The following TASP1 variants were observed in gnomAD, a reference collection of about 807,000 sequenced individuals.
TASP1 encodes the protein threonine aspartase 1.
A neutral mutation model predicts 56.6 loss-of-function variants in TASP1; 16 were observed. The observed-to-expected ratio is 0.28, with a 90% CI of 0.19 to 0.43. TASP1 has a LOEUF of 0.43. Ranked by LOEUF, TASP1 falls within the 20% of genes least tolerant of loss-of-function variation. The probability of loss-of-function intolerance (pLI) is 1.00; values close to 1 mark genes in which losing one functional copy is unlikely to be tolerated. For synonymous variants in TASP1, 179 were observed against 184.2 expected (o/e 0.97, Z 0.23); for missense variants, 393 against 511.6 (o/e 0.77, Z 2.24).
intron 9 of TASP1, 129 bp downstream of exon 9, chr20:13,533,893 C>T: frequency 9.1e-7 from 1 of 1,097,678 alleles, no homozygotes; most frequent in East Asian, 2.5e-5. Context: ...ATGATTTATA[C>T]TACATGTTAA....
chr20:13,163,616 T>G, the TASP1 span, among the ~76,000 whole-genome samples: 1 of 152,074 alleles, frequency 6.6e-6, no homozygotes, highest in African/African-American at 2.4e-5. Flanking sequence ...GGAAGAACAT[T>G]TTAAATACTC....
chr20:13,130,941 T>C, the TASP1 span, among the ~76,000 whole-genome samples: 1 of 152,224 alleles, frequency 6.6e-6, no homozygotes, highest in Non-Finnish European at 1.5e-5. Flanking sequence ...AATAAGATCA[T>C]GAGGATGTTT....
intron 4 of TASP1, among the ~76,000 whole-genome samples, chr20:13,606,657 A>G (rs180739370): frequency 6.6e-6 from 1 of 152,138 alleles, no homozygotes; most frequent in East Asian, 1.9e-4. Context: ...AATACAAAAA[A>G]TTAGCTGGGC....
chr20:13,386,313 A>G (rs1034150115), downstream of TASP1, among the ~76,000 whole-genome samples: 31 of 152,216 alleles, frequency 2.0e-4, no homozygotes, highest in African/African-American at 7.5e-4. Flanking sequence ...TTGTGTTAAA[A>G]ACACACAGAA....
intron 10 of TASP1, among the ~76,000 whole-genome samples, chr20:13,515,963 C>G (rs2044513968): frequency 6.6e-6 from 1 of 152,078 alleles, no homozygotes; most frequent in Admixed American, 6.6e-5. Context: ...TTATGTTAAA[C>G]AGAACTATGG....
the TASP1 span, among the ~76,000 whole-genome samples, chr20:13,364,786 C>T: frequency 5.3e-5 from 8 of 152,204 alleles, no homozygotes; most frequent in African/African-American, 1.7e-4. Flanking sequence ...TTTCCCAAGG[C>T]CAAGTTAGAA....
the TASP1 span, among the ~76,000 whole-genome samples, chr20:13,251,366 A>G: frequency 6.6e-6 from 1 of 152,170 alleles, no homozygotes; most frequent in Non-Finnish European, 1.5e-5. Flanking sequence ...TGCTGTTTGT[A>G]TTTTTCCAAG....
the TASP1 span, among the ~76,000 whole-genome samples, chr20:13,123,190 G>T: frequency 6.6e-6 from 1 of 152,098 alleles, no homozygotes; most frequent in African/African-American, 2.4e-5. Context: ...AATTAGCCAG[G>T]AGTGGTGGCA....
At chr20:13,319,729 C>T in the TASP1 span, among the ~76,000 whole-genome samples, 3 of 152,278 alleles carry the variant, frequency 2.0e-5, no homozygotes, top group Admixed American at 6.5e-5. Flanking sequence ...TGAAGATTAA[C>T]CCCCTCCCCC....
chr20:13,193,234 C>A, the TASP1 span, among the ~76,000 whole-genome samples: 2 of 152,074 alleles, frequency 1.3e-5, no homozygotes, highest in Non-Finnish European at 2.9e-5. Flanking sequence ...ACAAACATGA[C>A]AGCTGTTAAT....
At chr20:13,448,153 A>G (rs1477190020) in intron 11 of TASP1, among the ~76,000 whole-genome samples, 1 of 152,120 alleles carries the variant, frequency 6.6e-6, no homozygotes, top group Non-Finnish European at 1.5e-5. Flanking sequence ...TTTTGGTATA[A>G]AGACTACAGT....
intron 10 of TASP1, among the ~76,000 whole-genome samples, chr20:13,503,102 T>C (rs568983203): frequency 6.6e-6 from 1 of 152,080 alleles, no homozygotes; most frequent in South Asian, 2.1e-4. Context: ...CACAATTAAG[T>C]AGTTGAGGAG....
chr20:13,167,901 C>G, the TASP1 span: 2 of 152,120 alleles, frequency 1.3e-5, no homozygotes, highest in Non-Finnish European at 1.5e-5. Context: ...TTTGATAAAC[C>G]AATTGACTCT....
At chr20:13,438,359 C>T (rs1169066315) in intron 11 of TASP1, among the ~76,000 whole-genome samples, 8 of 152,180 alleles carry the variant, frequency 5.3e-5, no homozygotes, top group Admixed American at 2.0e-4. Flanking sequence ...CACATATCTA[C>T]AACCATCTGA....
intron 6 of TASP1, among the ~76,000 whole-genome samples, chr20:13,575,605 A>G (rs2046875899): frequency 6.6e-6 from 1 of 152,090 alleles, no homozygotes; most frequent in South Asian, 2.1e-4. Context: ...TTAATAAATT[A>G]CCCAGTCCTG....
At chr20:13,529,628 C>T (rs2045132405) in intron 9 of TASP1, among the ~76,000 whole-genome samples, 1 of 152,136 alleles carries the variant, frequency 6.6e-6, no homozygotes, top group Non-Finnish European at 1.5e-5. Context: ...AGCTCCCAAA[C>T]ATATTGTTGA....
At chr20:13,297,416 CT>C in the TASP1 span, among the ~76,000 whole-genome samples, 1 of 152,222 alleles carries the variant, frequency 6.6e-6, no homozygotes, top group Non-Finnish European at 1.5e-5. Flanking sequence ...TCTAATTCCC[CT>C]GCTCCCCTGC....
chr20:13,135,767 T>C, the TASP1 span, among the ~76,000 whole-genome samples: 3 of 152,266 alleles, frequency 2.0e-5, no homozygotes, highest in African/African-American at 4.8e-5. Context: ...GATTACTCCA[T>C]TGACGAGTTC....
the TASP1 span, among the ~76,000 whole-genome samples, chr20:13,355,003 T>C: frequency 3.9e-5 from 6 of 152,058 alleles, no homozygotes; most frequent in South Asian, 4.1e-4. Flanking sequence ...TTATCAATCA[T>C]AATAATATGA....
Sources: gnomAD v4.1 joint callset for allele counts (sites outside exome capture counted in the v4.1 genomes callset) on GRCh38, gnomAD v4.1.1 for gene constraint, MANE v1.5 for transcripts, NCBI Gene and HGNC (gene_info 2026-07-23, HGNC 2026-07-21) for gene names.